Variants in RPSA2 observed in about 807,000 individuals in gnomAD.
The protein encoded by RPSA2 is small ribosomal subunit protein uS2B.
the RPSA2 span, among the ~76,000 whole-genome samples, chr19:23,792,586 TTTTTG>T: frequency 2.2e-3 from 14 of 6,452 alleles, no homozygotes; most frequent in Non-Finnish European, 0.012. Flanking sequence ...TTTGTTTTTG[TTTTTG>T]TTTTTTTTTT....
chr19:23,868,856 AT>A, the RPSA2 span, among the ~76,000 whole-genome samples: 1 of 152,262 alleles, frequency 6.6e-6, no homozygotes, highest in East Asian at 1.9e-4. Context: ...TCCCTCTGGT[AT>A]GGGCCATGAG....
chr19:23,786,779 G>A, the RPSA2 span, among the ~76,000 whole-genome samples: 4 of 151,756 alleles, frequency 2.6e-5, no homozygotes, highest in African/African-American at 7.3e-5. Context: ...TTCAGGCTCC[G>A]CATATTTGGG....
chr19:23,764,637 G>T, the RPSA2 span, among the ~76,000 whole-genome samples: 1 of 151,922 alleles, frequency 6.6e-6, no homozygotes, highest in Non-Finnish European at 1.5e-5. Flanking sequence ...CCACCACTGT[G>T]CCCTGCTAAT....
At chr19:23,870,263 G>A in the RPSA2 span, among the ~76,000 whole-genome samples, 148,948 of 152,282 alleles carry the variant, frequency 0.98, 72,937 homozygotes, top group Middle Eastern at 1. Flanking sequence ...GAGGACTGGA[G>A]GCATGCAGCC....
the RPSA2 span, among the ~76,000 whole-genome samples, chr19:23,856,928 T>C: frequency 6.6e-6 from 1 of 152,162 alleles, no homozygotes; most frequent in Non-Finnish European, 1.5e-5. Flanking sequence ...ATTGTCTTGT[T>C]AAACATCTTA....
chr19:23,773,876 CAA>C, the RPSA2 span, among the ~76,000 whole-genome samples: 2 of 152,274 alleles, frequency 1.3e-5, no homozygotes, highest in Non-Finnish European at 2.9e-5. Context: ...TTCTTAGACA[CAA>C]TATATAGGAA....
the RPSA2 span, among the ~76,000 whole-genome samples, chr19:23,855,208 A>G: frequency 1.3e-5 from 2 of 152,194 alleles, no homozygotes; most frequent in African/African-American, 4.8e-5. Flanking sequence ...GAGCTTGAGT[A>G]ATTAGAATGC....
chr19:23,791,067 C>T, the RPSA2 span, among the ~76,000 whole-genome samples: 2 of 152,100 alleles, frequency 1.3e-5, no homozygotes, highest in Non-Finnish European at 2.9e-5. Flanking sequence ...GCAGGGACCA[C>T]GGGAGAATCA....
chr19:23,839,119 G>GT, the RPSA2 span, among the ~76,000 whole-genome samples: 1 of 151,926 alleles, frequency 6.6e-6, no homozygotes, highest in Non-Finnish European at 1.5e-5. Context: ...TATCCCAGAG[G>GT]TTTTGATAGG....
chr19:23,823,581 G>A, the RPSA2 span, among the ~76,000 whole-genome samples: 1 of 152,162 alleles, frequency 6.6e-6, no homozygotes, highest in South Asian at 2.1e-4. Flanking sequence ...CTGACTTCGC[G>A]AGCCACTCTT....
At chr19:23,793,032 A>C in the RPSA2 span, among the ~76,000 whole-genome samples, 2 of 152,168 alleles carry the variant, frequency 1.3e-5, no homozygotes, top group African/African-American at 2.4e-5. Context: ...CTCAAAGTTC[A>C]TATCCTGTGG....
chr19:23,863,391 C>T, the RPSA2 span, among the ~76,000 whole-genome samples: 2 of 152,060 alleles, frequency 1.3e-5, no homozygotes, highest in African/African-American at 2.4e-5. Context: ...TGGTGAAACC[C>T]TATCTCTGCT....
the RPSA2 span, among the ~76,000 whole-genome samples, chr19:23,781,803 A>G: frequency 3.3e-5 from 5 of 152,182 alleles, no homozygotes; most frequent in Non-Finnish European, 7.3e-5. Flanking sequence ...AGACCTTTCT[A>G]CAAATGTCTT....
chr19:23,867,396 T>C, the RPSA2 span, among the ~76,000 whole-genome samples: 4 of 152,226 alleles, frequency 2.6e-5, no homozygotes, highest in East Asian at 7.7e-4. Context: ...ACTTATAGCA[T>C]TGGATATGAG....
the RPSA2 span, among the ~76,000 whole-genome samples, chr19:23,759,710 G>C: frequency 6.6e-6 from 1 of 151,670 alleles, no homozygotes; most frequent in Non-Finnish European, 1.5e-5. Flanking sequence ...TTTTAGTAGA[G>C]ACGGGGTTTC....
At chr19:23,765,087 C>T in the RPSA2 span, among the ~76,000 whole-genome samples, 1 of 152,122 alleles carries the variant, frequency 6.6e-6, no homozygotes. Context: ...AACTGGATGG[C>T]CTAGGCCTGT....
the RPSA2 span, among the ~76,000 whole-genome samples, chr19:23,844,848 T>G: frequency 1.3e-5 from 2 of 151,604 alleles, no homozygotes; most frequent in African/African-American, 4.8e-5. Context: ...TTTGGTAGAA[T>G]TTTTATACAT....
the RPSA2 span, among the ~76,000 whole-genome samples, chr19:23,869,308 A>T: frequency 2.0e-5 from 3 of 152,328 alleles, no homozygotes; most frequent in East Asian, 5.8e-4. Context: ...TAGCTGTCTT[A>T]CAACTGAAGC....
At chr19:23,821,989 GC>G in the RPSA2 span, among the ~76,000 whole-genome samples, 1 of 152,244 alleles carries the variant, frequency 6.6e-6, no homozygotes, top group East Asian at 1.9e-4. Flanking sequence ...AAACCCTCTA[GC>G]TTTTGCAGCT....
Sources: allele counts gnomAD v4.1 joint callset (sites outside exome capture counted in the v4.1 genomes callset), GRCh38; gene constraint gnomAD v4.1.1; transcripts MANE v1.5; gene names NCBI Gene and HGNC (gene_info 2026-07-23, HGNC 2026-07-21).